COX10: variants seen among roughly 807,000 people sequenced by gnomAD.
COX10 encodes cytochrome c oxidase assembly factor heme A:farnesyltransferase COX10.
COX10 carries 27 observed loss-of-function variants against 37.3 expected under a neutral mutation model. That is an observed-to-expected ratio of 0.72 (90% CI 0.53 to 1.00). The LOEUF is 1.00. Among genes scored for constraint, COX10 ranks in the 50% least tolerant of loss-of-function variants. The pLI, the probability that COX10 is intolerant of heterozygous loss-of-function variation, is 0.00. For synonymous variants in COX10, 222 were observed against 229.1 expected, an observed-to-expected ratio of 0.97 and a Z score of 0.28; for missense variants, 475 against 563.2, an observed-to-expected ratio of 0.84 and a Z score of 1.59.
At chr17:14,103,621 T>A (rs1377249545) in intron 4 of COX10, among the ~76,000 whole-genome samples, 1 of 152,146 alleles carries the variant, frequency 6.6e-6, no homozygotes, top group East Asian at 1.9e-4. Context: ...ATAAGAGTTG[T>A]TTGAGTTGGA....
chr17:14,108,086 T>C (rs1400067817), intron 4 of COX10, among the ~76,000 whole-genome samples: 1 of 152,200 alleles, frequency 6.6e-6, no homozygotes, highest in Non-Finnish European at 1.5e-5. Context: ...AACTCTTAAC[T>C]TCTGGAAACC....
intron 4 of COX10, among the ~76,000 whole-genome samples, chr17:14,142,351 G>C (rs1904572577): frequency 6.6e-6 from 1 of 152,182 alleles, no homozygotes; most frequent in Non-Finnish European, 1.5e-5. Flanking sequence ...GACACAGGCA[G>C]ACAGCCGATA....
Position 14,076,924 on chromosome 17 carries a change from C to G in COX10, c.367C>G (p.Pro123Ala). The G allele has an allele frequency of 6.2e-7, 1 of 1,614,056 alleles. No individual in the cohort carries two copies. Among genetic ancestry groups the G allele is most frequent in the South Asian group, 1.1e-5 (1 of 91,076 alleles). ...TGAAAAGGAATTGATAGAACTAGAG[C>G]CAGACTCAGTAATTGAAGACTCAAT... ...PNEKELIELE[P>A]DSVIEDSIDV... The change falls in exon 3 of 7, where the codon CCA becomes GCA. Residue 123 changes from proline (P) to alanine (A), a missense_variant. Pro to Ala is a conservative substitution (Grantham distance 27). Around this residue, in one of 5 missense-constraint regions of COX10, gnomAD observed 242 missense variants for 242.5 expected, o/e 1.00. Transcript: ENST00000261643.
At chr17:14,165,458 G>GC (rs1240932212) in intron 5 of COX10, among the ~76,000 whole-genome samples, 4 of 149,666 alleles carry the variant, frequency 2.7e-5, no homozygotes, top group South Asian at 4.2e-4. Flanking sequence ...CATAAGCCGT[G>GC]CCCATAAAAG....
chr17:14,164,853 T>C lies in COX10; in HGVS notation c.695+4906T>C, dbSNP rs560665427. On this transcript the variant is annotated intron_variant, in intron 5 of 6. Transcript: ENST00000261643. ...AAAGAAAGGAGAGGTGTCATTGTTATGTGTATATCAGGTGATTAGGATGAA... is the reference window on the plus strand; with the variant it reads ...AAAGAAAGGAGAGGTGTCATTGTTACGTGTATATCAGGTGATTAGGATGAA... Among the ~76,000 whole-genome samples the C allele has an allele frequency of 1.1e-3, 165 of 152,328 alleles. 1 individual carries two copies. The highest frequency in any genetic ancestry group is 3.8e-3 in the African/African-American group (160 of 41,576).
intron 4 of COX10, among the ~76,000 whole-genome samples, chr17:14,134,278 G>A (rs779901169): frequency 1.3e-5 from 2 of 151,678 alleles, no homozygotes; most frequent in African/African-American, 2.4e-5. Flanking sequence ...TTAATCATAT[G>A]CATACATGCT....
chr17:14,147,937 G>T (rs1904773755), intron 4 of COX10, among the ~76,000 whole-genome samples: 1 of 151,608 alleles, frequency 6.6e-6, no homozygotes, highest in African/African-American at 2.4e-5. Flanking sequence ...TTTTCAGAAA[G>T]CATTGCTTGC....
intron 4 of COX10, among the ~76,000 whole-genome samples, chr17:14,144,922 A>T (rs1904665219): frequency 6.6e-6 from 1 of 152,110 alleles, no homozygotes; most frequent in African/African-American, 2.4e-5. Context: ...GAGCACAGTT[A>T]GGTACAAATG....
chr17:14,086,671 A>G (rs1009961974), intron 3 of COX10, among the ~76,000 whole-genome samples: 2 of 152,188 alleles, frequency 1.3e-5, no homozygotes, highest in African/African-American at 4.8e-5. Flanking sequence ...ACATCAAATA[A>G]TGATTAAGTT....
At chr17:14,102,329 T>G in intron 4 of COX10, 87 bp downstream of exon 4, 1 of 1,401,918 alleles carries the variant, frequency 7.1e-7, no homozygotes, top group Non-Finnish European at 9.7e-7. Context: ...CCTTCCAAAC[T>G]CATATATTGA....
At chr17:14,075,792 C>T (rs1915131040) in intron 2 of COX10, among the ~76,000 whole-genome samples, 1 of 151,660 alleles carries the variant, frequency 6.6e-6, no homozygotes, top group Non-Finnish European at 1.5e-5. Context: ...AGATCGAGAC[C>T]ATCCTGGCTA....
chr17:14,149,567 C>T (rs1457196729), intron 4 of COX10, among the ~76,000 whole-genome samples: 3 of 152,070 alleles, frequency 2.0e-5, no homozygotes, highest in East Asian at 3.9e-4. Context: ...GATTCATGGC[C>T]GTGATGGTTC....
intron 4 of COX10, among the ~76,000 whole-genome samples, chr17:14,112,784 C>T (rs533142327): frequency 1.3e-5 from 2 of 152,100 alleles, no homozygotes; most frequent in South Asian, 2.1e-4. Flanking sequence ...TGAGTAAAGA[C>T]CCAGAGATGT....
At chr17:14,173,722 AAG>A (rs1343757320) in intron 5 of COX10, among the ~76,000 whole-genome samples, 1 of 152,250 alleles carries the variant, frequency 6.6e-6, no homozygotes, top group Admixed American at 6.5e-5. Flanking sequence ...ATAATAAGGC[AAG>A]AGAGAGAAAG....
At chr17:14,161,798 G>A (rs2142240908) in intron 5 of COX10, among the ~76,000 whole-genome samples, 1 of 152,306 alleles carries the variant, frequency 6.6e-6, no homozygotes, top group Non-Finnish European at 1.5e-5. Context: ...AGCCTGAGCT[G>A]GAAAGCTCCT....
intron 5 of COX10, among the ~76,000 whole-genome samples, chr17:14,165,536 C>A (rs1228321162): frequency 6.6e-6 from 1 of 152,194 alleles, no homozygotes; most frequent in African/African-American, 2.4e-5. Context: ...GTTTCCCCAT[C>A]TCTCTCCTGC....
chr17:14,175,083 C>CGGGGGGGGGGGGGGGGGGGGG (rs551562401), intron 5 of COX10, among the ~76,000 whole-genome samples: 2 of 16,360 alleles, frequency 1.2e-4, no homozygotes, highest in Non-Finnish European at 5.9e-4. Flanking sequence ...TGGGAAATAG[C>CGGGGGGGGGGGGGGGGGGGGG]GGGGGGGGGG....
Position 14,185,069 on chromosome 17 carries a change from A to T in COX10, c.696-6920A>T, listed in dbSNP as rs574647747. Among the ~76,000 whole-genome samples, 112 of 151,538 alleles carry T rather than the reference A, an allele frequency of 7.4e-4. No individual in the cohort carries two copies. In the Middle Eastern group the frequency reaches 0.01, roughly 14 times the overall value. On this transcript the variant is annotated intron_variant, in intron 5 of 6. Transcript: ENST00000261643. ...TCCTCATCTTGCTTCTAGAAACCAG[A>T]TGTCAGAGTAACACTTGAACTGGAA...
At chr17:14,116,427 T>C (rs1916112366) in intron 4 of COX10, among the ~76,000 whole-genome samples, 1 of 152,146 alleles carries the variant, frequency 6.6e-6, no homozygotes, top group Admixed American at 6.5e-5. Flanking sequence ...ATCTCTAAAC[T>C]GCCCTCTCAA....
Sources: gnomAD v4.1 joint callset for allele counts (sites outside exome capture counted in the v4.1 genomes callset) on GRCh38, gnomAD v4.1.1 for gene constraint, gnomAD v4.1.1 regional missense constraint, MANE v1.5 for transcripts, NCBI Gene and HGNC (gene_info 2026-07-23, HGNC 2026-07-21) for gene names.